CELF5: variants seen among roughly 807,000 people sequenced by gnomAD.
CELF5 encodes the protein CUGBP Elav-like family member 5, also known as CUG-BP and ETR-3 like factor 5.
In CELF5, 6 loss-of-function variants were observed where a neutral mutation model predicts 54.9. The ratio of observed to expected loss-of-function variants is 0.11; its 90% confidence interval spans 0.06 to 0.22. The LOEUF (loss-of-function observed/expected upper bound fraction) is 0.22. Ranked by LOEUF, CELF5 falls within the 10% of genes least tolerant of loss-of-function variation. The pLI is 1.00. For missense variants in CELF5, 401 were observed against 678.6 expected (o/e 0.59, Z 4.54); for synonymous variants, 271 against 290.9 (o/e 0.93, Z 0.70).
chr19:3,257,458 TTTTATTATTATTA>T (rs1333824246), intron 2 of CELF5, among the ~76,000 whole-genome samples: 4 of 152,074 alleles, frequency 2.6e-5, no homozygotes, highest in African/African-American at 4.8e-5. Context: ...TTGTTTCCAC[TTTTATTATTATTA>T]TTTATTATTA....
chr19:3,261,030 T>C (rs2079801440), intron 2 of CELF5, among the ~76,000 whole-genome samples: 2 of 152,024 alleles, frequency 1.3e-5, no homozygotes, highest in Non-Finnish European at 1.5e-5. Flanking sequence ...CTCCCAAGTG[T>C]TGGGACTACA....
Position 3,281,989 on chromosome 19 carries a change from G to A in CELF5, c.751-137G>A. ...AGGCTGAGCCTTGATCCCAGTCTGA[G>A]CTCCAATTCTGATCTCAGCCTGAGC... On this transcript the variant is annotated intron_variant, in intron 6 of 12. Coordinates refer to ENST00000292672, the MANE Select transcript of CELF5 (RefSeq NM_021938.4). This position sits in a 1 kb window ranked among gnomAD's most constrained non-coding sequence, Gnocchi z 6.5. 1.1e-6 allele frequency: 1 copy of A among 935,054 alleles called. No individual in the cohort carries two copies. The highest frequency in any genetic ancestry group is 1.6e-5 in the African/African-American group (1 of 62,100). 57.9% of individuals were successfully genotyped at this position (935,054 alleles called of 1,614,324 possible). A position where few individuals can be genotyped will look rare whatever the true frequency, so the allele number is the denominator to read the frequency against.
At chr19:3,239,026 G>A (rs1264709249) in intron 1 of CELF5, among the ~76,000 whole-genome samples, 2 of 152,170 alleles carry the variant, frequency 1.3e-5, no homozygotes, top group Admixed American at 6.5e-5. Context: ...ATTGAAATCT[G>A]CAAAGTCTCT....
chr19:3,280,414 TAA>T (rs571919304), intron 5 of CELF5, among the ~76,000 whole-genome samples: 4 of 144,812 alleles, frequency 2.8e-5, no homozygotes, highest in Middle Eastern at 6.5e-3. Flanking sequence ...CTACTAAAAA[TAA>T]AAAAAAAAAT....
At chr19:3,273,583 A>G (rs563023354) in intron 2 of CELF5, among the ~76,000 whole-genome samples, 2 of 152,326 alleles carry the variant, frequency 1.3e-5, no homozygotes, top group African/African-American at 4.8e-5. Context: ...GCAAAGTCAC[A>G]TCGCATAAAG....
Position 3,286,110 on chromosome 19 carries a change from C to G in CELF5, c.1186+85C>G, listed in dbSNP as rs942104476. Reference sequence around the variant, plus strand: ...TGCAGGCTCCGTGTCTGGCCCGGGCCTCTGGGACCCGCGGGGCTGAGAGTG... The same window carrying G: ...TGCAGGCTCCGTGTCTGGCCCGGGCGTCTGGGACCCGCGGGGCTGAGAGTG... On this transcript the variant is annotated intron_variant, in intron 10 of 12. Transcript: ENST00000292672. The G allele has an allele frequency of 3.5e-5, 42 of 1,216,368 alleles. No homozygotes were observed. In the African/African-American group the frequency reaches 6.2e-4, roughly 18 times the overall value. The allele number at this position is 1,216,368 out of a possible 1,614,324, so 75.3% of individuals were successfully genotyped here.
chr19:3,248,849 TCTTTCTTC>T lies in CELF5; in HGVS notation c.260-2132_260-2125del, dbSNP rs1246874330. 2.4e-3 allele frequency among the ~76,000 whole-genome samples: 321 copies of T among 132,598 alleles called. 2 individuals are homozygous for T. The highest frequency in any genetic ancestry group is 0.019 in the East Asian group (84 of 4,420). The allele number at this position is 132,598 out of a possible 152,430, so 87.0% of individuals were successfully genotyped here. ...CATTCCTACTACAAACTTTTTTCTT[TCTTTCTTC>T]CTTCCTTCCTTCCTTCCTTCCTTCC... On this transcript the variant is annotated intron_variant, in intron 1 of 12. Coordinates refer to ENST00000292672, the MANE Select transcript of CELF5 (RefSeq NM_021938.4).
At chr19:3,288,495 C>T (rs2080289893) in intron 10 of CELF5, among the ~76,000 whole-genome samples, 1 of 151,908 alleles carries the variant, frequency 6.6e-6, no homozygotes, top group Non-Finnish European at 1.5e-5. Flanking sequence ...GCACTCCAGC[C>T]TGGGCAACAA....
chr19:3,247,222 G>T (rs1329187645), intron 1 of CELF5, among the ~76,000 whole-genome samples: 1 of 152,118 alleles, frequency 6.6e-6, no homozygotes, highest in Non-Finnish European at 1.5e-5. Flanking sequence ...CACACCCTGG[G>T]CTCAAGCGAT....
chr19:3,281,434 T>C lies in CELF5; in HGVS notation c.750+89T>C, dbSNP rs2080151211. On this transcript the variant is annotated intron_variant, in intron 6 of 12. Coordinates refer to ENST00000292672, the MANE Select transcript of CELF5 (RefSeq NM_021938.4). This position sits in a 1 kb window ranked among gnomAD's most constrained non-coding sequence, Gnocchi z 6.5. ...TGTCGGGCTCCTGCCTCTCCCTCCATCTCCCTGACTCAGGGTCCTCTCCTG... is the reference window on the plus strand; with the variant it reads ...TGTCGGGCTCCTGCCTCTCCCTCCACCTCCCTGACTCAGGGTCCTCTCCTG... 7.0e-7 allele frequency: 1 copy of C among 1,431,192 alleles called. No individual in the cohort carries two copies. The highest frequency in any genetic ancestry group is 2.3e-5 in the East Asian group (1 of 43,280). 88.7% of individuals were successfully genotyped at this position (1,431,192 alleles called of 1,614,324 possible). A position where few individuals can be genotyped will look rare whatever the true frequency, so the allele number is the denominator to read the frequency against.
rs2080086123 is a variant in CELF5, at chr19:3,278,133, CGTGGGG to C, written c.603+35_603+40del. ...CCGGTGAGTTGGAGCTGCCCTTGGC[CGTGGGG>C]GTGGGGGTGGGAAAGGGGTGAGGGG... is the stretch of plus-strand genomic sequence containing the variant. On this transcript the variant is annotated intron_variant, in intron 5 of 12. Coordinates refer to ENST00000292672, the MANE Select transcript of CELF5 (RefSeq NM_021938.4). This position sits in a 1 kb window ranked among gnomAD's most constrained non-coding sequence, Gnocchi z 4.5. 46 of 579,864 alleles carry C rather than the reference CGTGGGG, an allele frequency of 7.9e-5. No individual in the cohort carries two copies. Among genetic ancestry groups the C allele is most frequent in the Middle Eastern group, 3.0e-4 (1 of 3,298 alleles). 35.9% of individuals were successfully genotyped at this position (579,864 alleles called of 1,614,324 possible). A position where few individuals can be genotyped will look rare whatever the true frequency, so the allele number is the denominator to read the frequency against.
intron 1 of CELF5, among the ~76,000 whole-genome samples, chr19:3,245,681 G>A (rs1474846996): frequency 1.3e-5 from 2 of 151,910 alleles, no homozygotes; most frequent in African/African-American, 2.4e-5. Flanking sequence ...CTTAGGGCTC[G>A]TTGTCTTAGT....
At chr19:3,239,530 C>A (rs1464196253) in intron 1 of CELF5, among the ~76,000 whole-genome samples, 2 of 150,786 alleles carry the variant, frequency 1.3e-5, no homozygotes, top group African/African-American at 5.0e-5. Context: ...GCCATCATGC[C>A]CGGCTAACTT....
chr19:3,283,511 C>T (rs561294283), intron 8 of CELF5, among the ~76,000 whole-genome samples: 4 of 152,004 alleles, frequency 2.6e-5, no homozygotes, highest in East Asian at 3.9e-4. Flanking sequence ...CCATCACGCC[C>T]GGCTAATTTT....
chr19:3,259,213 C>G (rs530656730), intron 2 of CELF5, among the ~76,000 whole-genome samples: 3 of 152,242 alleles, frequency 2.0e-5, no homozygotes, highest in Admixed American at 2.0e-4. Flanking sequence ...ATGGGAGCCT[C>G]TGTCAGCTAA....
At chr19:3,236,364 T>C (rs1461010269) in intron 1 of CELF5, among the ~76,000 whole-genome samples, 1 of 151,994 alleles carries the variant, frequency 6.6e-6, no homozygotes, top group African/African-American at 2.4e-5. Context: ...GGTTCCCATT[T>C]GGTGGATGAG....
intron 2 of CELF5, among the ~76,000 whole-genome samples, chr19:3,266,705 G>A (rs2079886961): frequency 6.6e-6 from 1 of 152,244 alleles, no homozygotes; most frequent in Non-Finnish European, 1.5e-5. Context: ...CTTGGCAAAG[G>A]TGAGACCTGT....
chr19:3,269,655 C>T (rs940963886), intron 2 of CELF5, among the ~76,000 whole-genome samples: 1 of 152,186 alleles, frequency 6.6e-6, no homozygotes, highest in Non-Finnish European at 1.5e-5. Context: ...GACTGTTTCT[C>T]GGCCAGCCAG....
chr19:3,284,912 G>A lies in CELF5; in HGVS notation c.1050G>A (p.Pro350=). ...NGLVPYPAQS[P]TVAETLHPAF... ...TCTGTCTGCCCGCAGCTCAGAGCCC[G>A]ACTGTGGCCGAGACACTGCATCCTG... The change falls in exon 9 of 13, where the codon CCG becomes CCA. Residue 350 remains proline (P), a synonymous_variant. Coordinates refer to ENST00000292672, the MANE Select transcript of CELF5 (RefSeq NM_021938.4). The A allele has an allele frequency of 6.2e-7, 1 of 1,612,840 alleles. No homozygotes were observed. Among genetic ancestry groups the A allele is most frequent in the Non-Finnish European group, 8.5e-7 (1 of 1,179,574 alleles).
Sources: gnomAD v4.1 joint callset for allele counts (sites outside exome capture counted in the v4.1 genomes callset) on GRCh38, gnomAD v4.1.1 for gene constraint, Gnocchi (gnomAD v3.1) non-coding constraint, MANE v1.5 for transcripts, NCBI Gene and HGNC (gene_info 2026-07-23, HGNC 2026-07-21) for gene names.